The following COL15A1 variants were observed in gnomAD, a reference collection of about 807,000 sequenced individuals.
The protein encoded by COL15A1 is collagen alpha-1(XV) chain.
A neutral mutation model predicts 165.9 loss-of-function variants in COL15A1; 111 were observed. That is an observed-to-expected ratio of 0.67 (90% confidence interval 0.57 to 0.78). The LOEUF is 0.78. Among genes scored for constraint, COL15A1 ranks in the 30% least tolerant of loss-of-function variants. The pLI, the probability that COL15A1 is intolerant of heterozygous loss-of-function variation, is 0.00. For missense variants in COL15A1, 1,745 were observed against 1,789.7 expected, an observed-to-expected ratio of 0.98 and a Z score of 0.45; for synonymous variants, 659 against 674.8, an observed-to-expected ratio of 0.98 and a Z score of 0.36.
intron 34 of COL15A1, among the ~76,000 whole-genome samples, chr9:99,055,870 G>A (rs1272273567): frequency 6.6e-6 from 1 of 152,200 alleles, no homozygotes; most frequent in Non-Finnish European, 1.5e-5. Flanking sequence ...TGGTCCCAGA[G>A]CTCACTGTGA....
chr9:98,955,539 G>C (rs566012131), intron 2 of COL15A1, among the ~76,000 whole-genome samples: 2 of 152,200 alleles, frequency 1.3e-5, no homozygotes, highest in Non-Finnish European at 2.9e-5. Context: ...CCTTTGACCA[G>C]CAAAGTCTAT....
chr9:98,949,699 A>G (rs1344070367), intron 2 of COL15A1, among the ~76,000 whole-genome samples: 2 of 152,246 alleles, frequency 1.3e-5, no homozygotes, highest in Admixed American at 6.5e-5. Context: ...AATTTACATT[A>G]TATAACAGTA....
chr9:99,054,768 C>T, intron 32 of COL15A1, 112 bp downstream of exon 32: 1 of 1,165,418 alleles, frequency 8.6e-7, no homozygotes. Context: ...TCCACCCTGA[C>T]CACAGGCTCC....
chr9:98,973,558 C>T lies in COL15A1; in HGVS notation c.101-12007C>T, dbSNP rs1040433864. On this transcript the variant is annotated intron_variant, in intron 2 of 41. Coordinates refer to ENST00000375001, the MANE Select transcript of COL15A1 (RefSeq NM_001855.5). The stretch of plus-strand genomic sequence containing the variant: ...TGGGTGCAGATAAACCCTCAGGCAC[C>T]GTGGATTGTGTTGTGTTCATTTTCC... 3.3e-5 allele frequency among the ~76,000 whole-genome samples: 5 copies of T among 152,182 alleles called. No homozygotes were observed. In the South Asian group the frequency reaches 8.3e-4, roughly 25 times the overall value.
chr9:98,988,497 C>G (rs1838355596), intron 4 of COL15A1, among the ~76,000 whole-genome samples: 1 of 152,122 alleles, frequency 6.6e-6, no homozygotes, highest in Admixed American at 6.5e-5. Context: ...GTTCCCAGCG[C>G]AAGATTCCAA....
At chr9:98,999,000 G>C (rs572228288) in intron 6 of COL15A1, among the ~76,000 whole-genome samples, 2 of 152,196 alleles carry the variant, frequency 1.3e-5, no homozygotes, top group Admixed American at 6.5e-5. Context: ...TCTTCCCAGG[G>C]GTCAGTCCTT....
intron 3 of COL15A1, among the ~76,000 whole-genome samples, chr9:98,986,713 C>T (rs552861552): frequency 2.6e-5 from 4 of 152,280 alleles, no homozygotes; most frequent in South Asian, 4.1e-4. Context: ...ACTGATGTCT[C>T]GTTGGTGAAC....
At chr9:98,983,567 C>T (rs958372906) in intron 2 of COL15A1, among the ~76,000 whole-genome samples, 1 of 152,158 alleles carries the variant, frequency 6.6e-6, no homozygotes, top group African/African-American at 2.4e-5. Flanking sequence ...TGCATGAAAA[C>T]CACATTGTTA....
At chr9:99,049,200 A>G (rs1839542976) in intron 28 of COL15A1, among the ~76,000 whole-genome samples, 2 of 152,228 alleles carry the variant, frequency 1.3e-5, no homozygotes, top group Admixed American at 6.5e-5. Context: ...AGCTGGCTTC[A>G]CTTTGAAAAT....
At chr9:99,047,548 G>C (rs764534401) in intron 26 of COL15A1, among the ~76,000 whole-genome samples, 6 of 152,202 alleles carry the variant, frequency 3.9e-5, no homozygotes, top group Non-Finnish European at 8.8e-5. Flanking sequence ...AGTCTGGGGT[G>C]GGTTGGAGCC....
intron 2 of COL15A1, among the ~76,000 whole-genome samples, chr9:98,962,313 T>TG (rs1837877905): frequency 6.6e-6 from 1 of 152,086 alleles, no homozygotes; most frequent in Non-Finnish European, 1.5e-5. Flanking sequence ...CCGTGAGACG[T>TG]GGGGGATGCA....
At chr9:99,046,959 ATGGC>A (rs1163887845) in intron 26 of COL15A1, among the ~76,000 whole-genome samples, 1 of 152,142 alleles carries the variant, frequency 6.6e-6, no homozygotes, top group African/African-American at 2.4e-5. Context: ...TTTTCAGAGC[ATGGC>A]TATGTATGTT....
At chr9:99,040,457 G>C in intron 22 of COL15A1, 64 bp from the exon 23 acceptor site, 2 of 1,613,606 alleles carry the variant, frequency 1.2e-6, no homozygotes, top group Non-Finnish European at 1.7e-6. Context: ...GGGAGGGAGG[G>C]GGTCCTGCTG....
At position 98,944,186 on chromosome 9, in the gene COL15A1, T is replaced by C. The variant is rs1389697292; in HGVS notation, c.36T>C (p.Cys12=). The change falls in exon 2 of 42, where the codon TGT becomes TGC. Residue 12 remains cysteine, a synonymous_variant. Coordinates refer to ENST00000375001, the MANE Select transcript of COL15A1 (RefSeq NM_001855.5). ...GGAGGAACAACGGGCAGTGCTGGTGTCTGCTGATGCTGCTCTCGGTCTCCA... is the reference window on the plus strand; with the variant it reads ...GGAGGAACAACGGGCAGTGCTGGTGCCTGCTGATGCTGCTCTCGGTCTCCA... ...APRRNNGQCW[C]LLMLLSVSTP... is the part of the protein sequence containing the mutation. The C allele has an allele frequency of 6.2e-7, 1 of 1,614,054 alleles. No individual in the cohort carries two copies. Among genetic ancestry groups the C allele is most frequent in the South Asian group, 1.1e-5 (1 of 91,072 alleles).
intron 36 of COL15A1, among the ~76,000 whole-genome samples, chr9:99,061,219 C>T (rs1825809882): frequency 6.6e-6 from 1 of 152,184 alleles, no homozygotes; most frequent in Admixed American, 6.5e-5. Flanking sequence ...TTGGGGATAT[C>T]TAAGTCATTT....
chr9:98,964,961 T>G (rs1460160989), intron 2 of COL15A1, among the ~76,000 whole-genome samples: 1 of 152,214 alleles, frequency 6.6e-6, no homozygotes, highest in Admixed American at 6.5e-5. Flanking sequence ...CCTGGCTGAA[T>G]TCACACAAGC....
intron 2 of COL15A1, among the ~76,000 whole-genome samples, chr9:98,951,666 G>T (rs1837689592): frequency 6.6e-6 from 1 of 152,166 alleles, no homozygotes; most frequent in Non-Finnish European, 1.5e-5. Flanking sequence ...CTGGGCTCAA[G>T]GGATCCTCCT....
At chr9:99,032,382 G>A (rs1352664785) in intron 16 of COL15A1, among the ~76,000 whole-genome samples, 3 of 151,958 alleles carry the variant, frequency 2.0e-5, no homozygotes, top group Admixed American at 6.6e-5. Context: ...TAGAGACGGG[G>A]TTTCACCATG....
intron 2 of COL15A1, among the ~76,000 whole-genome samples, chr9:98,971,300 C>T (rs995574343): frequency 1.3e-5 from 2 of 152,154 alleles, no homozygotes; most frequent in South Asian, 2.1e-4. Flanking sequence ...CCTTTTTCTC[C>T]GTGCCATTTT....
Sources: gnomAD v4.1 joint callset for allele counts (sites outside exome capture counted in the v4.1 genomes callset) on GRCh38, gnomAD v4.1.1 for gene constraint, MANE v1.5 for transcripts, NCBI Gene and HGNC (gene_info 2026-07-23, HGNC 2026-07-21) for gene names.